The following ZGRF1 variants were observed in gnomAD, a reference collection of about 807,000 sequenced individuals.
ZGRF1 encodes the protein zinc finger GRF-type containing 1.
Under a neutral mutation model 203.5 loss-of-function variants are expected in ZGRF1, and 196 were observed. The ratio of observed to expected loss-of-function variants is 0.96; its 90% CI spans 0.86 to 1.08. ZGRF1 has a LOEUF of 1.08. Ranked by LOEUF, ZGRF1 falls within the 50% of genes least tolerant of loss-of-function variation. ZGRF1 has a pLI of 0.00. For missense variants in ZGRF1, 2,326 were observed against 2,416.3 expected, an observed-to-expected ratio of 0.96 and a Z score of 0.78; for synonymous variants, 809 against 841.3, an observed-to-expected ratio of 0.96 and a Z score of 0.66.
At position 112,618,006 on chromosome 4, in the gene ZGRF1, G is replaced by A. The variant is rs779693317; in HGVS notation, c.2036C>T (p.Pro679Leu). ...CATGTTTATACCTTTAGATTTATTCGGGGGTAAAGCAAAATCATAGTTAAT... is the reference window on the plus strand; with the variant it reads ...CATGTTTATACCTTTAGATTTATTCAGGGGTAAAGCAAAATCATAGTTAAT... The part of the protein sequence containing the change: ...VRINYDFALP[P>L]NKSKGINMNL... Residue 679 changes from proline (P) to leucine (L), a missense_variant, in exon 6 of 28, where the codon CCG (proline) becomes CTG (leucine). By Grantham distance (98) the Pro-to-Leu change is moderately conservative. Transcript: ENST00000505019. 4.4e-5 allele frequency: 71 copies of A among 1,612,160 alleles called. No individual in the cohort carries two copies. The highest frequency in any genetic ancestry group is 2.0e-4 in the Admixed American group (12 of 59,888).
At chr4:112,573,417 G>A (rs1306272234) in intron 16 of ZGRF1, among the ~76,000 whole-genome samples, 2 of 152,016 alleles carry the variant, frequency 1.3e-5, no homozygotes. Flanking sequence ...GGTAAGGGGG[G>A]CAGTGAAGGA....
intron 10 of ZGRF1, among the ~76,000 whole-genome samples, chr4:112,602,861 A>G (rs986889905): frequency 6.6e-6 from 1 of 152,218 alleles, no homozygotes; most frequent in African/African-American, 2.4e-5. Context: ...AAGTCAAGAC[A>G]GTGGATATCT....
Position 112,558,549 on chromosome 4 carries a change from G to A in ZGRF1, c.4961-240C>T, listed in dbSNP as rs146651008. On this transcript the variant is annotated intron_variant, in intron 19 of 27. Transcript: ENST00000505019. ...CACCTGGCTAATTTTTGTATTTTTA[G>A]TAGAGCCACCATATTGGCAGGCTGG... 7.0e-3 allele frequency among the ~76,000 whole-genome samples: 1,062 copies of A among 152,144 alleles called. 7 individuals carry two copies. The highest frequency in any genetic ancestry group is 9.9e-3 in the Non-Finnish European group (675 of 67,986).
chr4:112,587,088 C>T (rs1355459599), intron 12 of ZGRF1, among the ~76,000 whole-genome samples, 192 bp downstream of exon 12: 3 of 152,164 alleles, frequency 2.0e-5, no homozygotes, highest in African/African-American at 7.2e-5. Context: ...TCAAATAAAT[C>T]ATTTCATTCA....
chr4:112,584,783 G>A (rs1746883979), intron 14 of ZGRF1, among the ~76,000 whole-genome samples: 2 of 152,178 alleles, frequency 1.3e-5, no homozygotes, highest in Non-Finnish European at 2.9e-5. Context: ...ACAATGAAGT[G>A]GGATATGCAA....
intron 12 of ZGRF1, among the ~76,000 whole-genome samples, chr4:112,586,823 A>G (rs1372122592): frequency 1.3e-5 from 2 of 152,188 alleles, no homozygotes; most frequent in Non-Finnish European, 2.9e-5. Flanking sequence ...AAGTTTTTAT[A>G]TATTTTTTGC....
intron 16 of ZGRF1, among the ~76,000 whole-genome samples, chr4:112,581,450 T>A (rs1313448541): frequency 6.6e-6 from 1 of 150,762 alleles, no homozygotes; most frequent in Non-Finnish European, 1.5e-5. Flanking sequence ...TAAAAATAAA[T>A]AAAAAAATAA....
At position 112,589,738 on chromosome 4, in the gene ZGRF1, A is replaced by T. The variant is rs1487151691; in HGVS notation, c.3113T>A (p.Phe1038Tyr). Residue 1038 changes from phenylalanine (F) to tyrosine (Y), a missense_variant, in exon 11 of 28, where the codon TTT (phenylalanine) becomes TAT (tyrosine). Phe to Tyr is a conservative substitution (Grantham distance 22, BLOSUM62 3). Coordinates refer to ENST00000505019, the MANE Select transcript of ZGRF1 (RefSeq NM_018392.5). ...GTAACGACTACCCTCCAAGTTGAGA[A>T]AATGAAGATCATCAGGTAAAGTTCT... ...KARTLPDDLH[F>Y]LNLEGMKKSR... The T allele has an allele frequency of 6.2e-7, 1 of 1,613,972 alleles. No individual in the cohort carries two copies. Among genetic ancestry groups the T allele is most frequent in the Admixed American group, 1.7e-5 (1 of 60,006 alleles).
intron 10 of ZGRF1, among the ~76,000 whole-genome samples, chr4:112,597,839 G>A (rs896361030): frequency 4.7e-5 from 7 of 150,168 alleles, no homozygotes; most frequent in African/African-American, 1.5e-4. Context: ...AGCCGAGATC[G>A]TGCCACTTCA....
intron 20 of ZGRF1, among the ~76,000 whole-genome samples, chr4:112,555,155 C>T (rs1000884445): frequency 6.6e-6 from 1 of 152,198 alleles, no homozygotes; most frequent in Non-Finnish European, 1.5e-5. Context: ...CTGTTTAACA[C>T]TCACTACAGC....
At position 112,553,865 on chromosome 4, in the gene ZGRF1, T is replaced by C. The variant is rs1740430763; in HGVS notation, c.5316A>G (p.Lys1772=). Residue 1772 remains lysine (K), a synonymous_variant, in exon 22 of 28, where the codon AAA becomes AAG. Transcript: ENST00000505019. ...VYVRKSIEQH[K]LGTNRTLLKQ... is the part of the protein sequence containing the mutation. Reference sequence around the variant, plus strand: ...TCAGCAGGGTTCTATTGGTCCCCAGTTTATGCTGCTCAATGCTTTTTCTCA... The same window carrying C: ...TCAGCAGGGTTCTATTGGTCCCCAGCTTATGCTGCTCAATGCTTTTTCTCA... 2 of 1,613,056 alleles carry C rather than the reference T, an allele frequency of 1.2e-6. No individual in the cohort carries two copies. Among genetic ancestry groups the C allele is most frequent in the African/African-American group, 1.3e-5 (1 of 75,006 alleles).
intron 10 of ZGRF1, among the ~76,000 whole-genome samples, chr4:112,600,457 G>A (rs1749767912): frequency 1.3e-5 from 2 of 152,188 alleles, no homozygotes; most frequent in African/African-American, 4.8e-5. Flanking sequence ...ACTTTGGGAG[G>A]CCGAAGCAAG....
chr4:112,598,236 T>G (rs1463392450), intron 10 of ZGRF1, among the ~76,000 whole-genome samples: 1 of 152,148 alleles, frequency 6.6e-6, no homozygotes, highest in Non-Finnish European at 1.5e-5. Flanking sequence ...ACACAGATTA[T>G]ATGAAAAGTA....
In ZGRF1 at chr4:112,578,298, A is replaced by G. The variant is rs1225434674; in HGVS notation, c.4438+3365T>C. On this transcript the variant is annotated intron_variant, in intron 16 of 27. Coordinates refer to ENST00000505019, the MANE Select transcript of ZGRF1 (RefSeq NM_018392.5). ...TGTGTAGTGGGGAATTTATAGCACT[A>G]AATGCCCACAAGAGAAAGCAGGAAA... 2.4e-5 allele frequency among the ~76,000 whole-genome samples: 3 copies of G among 122,644 alleles called. 1 individual carries two copies. The highest frequency in any genetic ancestry group is 8.5e-5 in the African/African-American group (3 of 35,238). 80.5% of individuals were successfully genotyped at this position (122,644 alleles called of 152,430 possible).
At chr4:112,600,494 C>T (rs142019645) in intron 10 of ZGRF1, among the ~76,000 whole-genome samples, 4,183 of 152,154 alleles carry the variant, frequency 0.027, 92 homozygotes, top group Middle Eastern at 0.044. Flanking sequence ...GAGTTCGAGT[C>T]CTGCCTGGCC....
chr4:112,544,611 G>A (rs1031361845), intron 24 of ZGRF1, among the ~76,000 whole-genome samples: 1 of 152,154 alleles, frequency 6.6e-6, no homozygotes, highest in South Asian at 2.1e-4. Context: ...TCCAGGTACG[G>A]AGAAAACAGA....
chr4:112,631,244 T>G (rs1029666901), intron 3 of ZGRF1, among the ~76,000 whole-genome samples: 2 of 152,182 alleles, frequency 1.3e-5, no homozygotes, highest in Non-Finnish European at 2.9e-5. Context: ...TCAAGCAATC[T>G]TCCTGCCTCA....
chr4:112,620,308 A>T lies in ZGRF1; in HGVS notation c.163-118T>A, dbSNP rs890041632. ...TCAATAAATAGGTGTTGAACGAATA[A>T]ATCAGTAACTAAAGTCTTCAATTAT... On this transcript the variant is annotated intron_variant, in intron 4 of 27. Transcript: ENST00000505019. 8.5e-6 allele frequency: 5 copies of T among 590,324 alleles called. No individual in the cohort carries two copies. The East Asian group carries it at 1.5e-4, about 18-fold the overall frequency. The allele number at this position is 590,324 out of a possible 1,614,324, so 36.6% of individuals were successfully genotyped here.
chr4:112,633,186 T>A lies in ZGRF1; in HGVS notation c.-10A>T, dbSNP rs1336871272. On this transcript the variant is annotated 5_prime_UTR_variant, in exon 2 of 28. Transcript: ENST00000505019. ...ATTCTTGGCTTTCCATTATTTCTTC[T>A]GAAGTTATAAACCAGCTGGGTCCAG... 1 of 1,608,082 alleles carries A rather than the reference T, an allele frequency of 6.2e-7. No homozygotes were observed. Among genetic ancestry groups the A allele is most frequent in the Admixed American group, 1.7e-5 (1 of 59,812 alleles).
Sources: allele counts gnomAD v4.1 joint callset (sites outside exome capture counted in the v4.1 genomes callset), GRCh38; gene constraint gnomAD v4.1.1; transcripts MANE v1.5; gene names NCBI Gene and HGNC (gene_info 2026-07-23, HGNC 2026-07-21).